PRKAR2A: variants seen among roughly 807,000 people sequenced by gnomAD.
The protein encoded by PRKAR2A is cAMP-dependent protein kinase type II-alpha regulatory subunit.
A neutral mutation model predicts 51.9 loss-of-function variants in PRKAR2A; 29 were observed. The ratio of observed to expected loss-of-function variants is 0.56; its 90% CI spans 0.42 to 0.76. The LOEUF is 0.76. Among genes scored for constraint, PRKAR2A ranks in the 30% least tolerant of loss-of-function variants. The pLI is 0.00. For missense variants in PRKAR2A, 445 were observed against 512.1 expected (o/e 0.87, Z 1.26); for synonymous variants, 178 against 186.2 (o/e 0.96, Z 0.36).
In PRKAR2A at chr3:48,830,203, C is replaced by CA. The variant is rs56960810; in HGVS notation, c.262+17131dup. On this transcript the variant is annotated intron_variant, in intron 1 of 10. Transcript: ENST00000265563. ...GGGCGACAAGAGCGAAGCTCCGTCTCAAAAAAAAAAAAAAACTAAGACACA... is the reference window on the plus strand; with the variant it reads ...GGGCGACAAGAGCGAAGCTCCGTCTCAAAAAAAAAAAAAAAACTAAGACACA... Among the ~76,000 whole-genome samples the CA allele has an allele frequency of 6.2e-3, 699 of 112,230 alleles. 1 individual carries two copies. The highest frequency in any genetic ancestry group is 0.014 in the Middle Eastern group (3 of 210). 73.6% of individuals were successfully genotyped at this position (112,230 alleles called of 152,430 possible). A position where few individuals can be genotyped will look rare whatever the true frequency, so the allele number is the denominator to read the frequency against.
chr3:48,834,142 G>A (rs561695253), intron 1 of PRKAR2A, among the ~76,000 whole-genome samples: 25 of 152,030 alleles, frequency 1.6e-4, no homozygotes, highest in African/African-American at 4.8e-4. Context: ...GTTTACTGCC[G>A]TCCAGCAGTA....
chr3:48,762,818 C>T (rs928273759), intron 8 of PRKAR2A, among the ~76,000 whole-genome samples: 4 of 151,890 alleles, frequency 2.6e-5, no homozygotes, highest in African/African-American at 4.8e-5. Flanking sequence ...TAAAAAGGAA[C>T]GATCTACTGA....
At chr3:48,827,336 A>C (rs2083085227) in intron 1 of PRKAR2A, among the ~76,000 whole-genome samples, 1 of 151,604 alleles carries the variant, frequency 6.6e-6, no homozygotes, top group Non-Finnish European at 1.5e-5. Flanking sequence ...ACTGAGTTTA[A>C]GATGAAAAAA....
chr3:48,769,534 T>A (rs965195029), intron 6 of PRKAR2A, among the ~76,000 whole-genome samples: 7 of 152,038 alleles, frequency 4.6e-5, no homozygotes, highest in African/African-American at 1.7e-4. Context: ...TGGAGTGCAA[T>A]GGCGCAATCT....
chr3:48,791,680 G>A (rs1446698304), intron 3 of PRKAR2A, among the ~76,000 whole-genome samples: 2 of 150,396 alleles, frequency 1.3e-5, no homozygotes, highest in African/African-American at 4.9e-5. Context: ...GCCGAGGTGG[G>A]TGGATCACGA....
At chr3:48,745,515 T>G (rs2081554119), downstream of PRKAR2A, among the ~76,000 whole-genome samples, 1 of 150,438 alleles carries the variant, frequency 6.6e-6, no homozygotes, top group African/African-American at 2.4e-5. Context: ...TGTGAGGGTG[T>G]TTTTGGATAA....
intron 6 of PRKAR2A, among the ~76,000 whole-genome samples, chr3:48,767,530 C>T (rs753172642): frequency 2.0e-5 from 3 of 151,930 alleles, no homozygotes; most frequent in Admixed American, 6.6e-5. Flanking sequence ...TGGTTCATGC[C>T]TGTAATCCCT....
In PRKAR2A at chr3:48,807,639, G is replaced by C. The variant is rs1166733383; in HGVS notation, c.298+10C>G. 1 of 1,570,680 alleles carries C rather than the reference G, an allele frequency of 6.4e-7. No individual in the cohort carries two copies. The highest frequency in any genetic ancestry group is 8.7e-7 in the Non-Finnish European group (1 of 1,144,002). On this transcript the variant is annotated intron_variant, in intron 2 of 10. Transcript: ENST00000265563. ...CATTTTAGAAGTATGTTATGAAATA[G>C]AACACATACCTGATACTCGTCTATT...
intron 6 of PRKAR2A, among the ~76,000 whole-genome samples, 165 bp from the exon 7 acceptor site, chr3:48,765,514 T>C (rs1012094089): frequency 6.6e-6 from 1 of 152,140 alleles, no homozygotes; most frequent in Non-Finnish European, 1.5e-5. Context: ...AAAGGACCTA[T>C]AGCCTGAGCC....
chr3:48,836,830 A>T (rs79304729), intron 1 of PRKAR2A, among the ~76,000 whole-genome samples: 23 of 151,212 alleles, frequency 1.5e-4, no homozygotes, highest in South Asian at 1.3e-3. Context: ...AAAAAAAAAA[A>T]TTTTGTTTAG....
At chr3:48,795,601 A>G (rs888582335) in intron 2 of PRKAR2A, among the ~76,000 whole-genome samples, 4 of 152,156 alleles carry the variant, frequency 2.6e-5, no homozygotes, top group African/African-American at 7.2e-5. Flanking sequence ...CAGTGGCGCA[A>G]TCTTGGCCCA....
chr3:48,847,450 G>T lies in PRKAR2A; in HGVS notation c.147C>A (p.Val49=). 2 of 1,576,344 alleles carry T rather than the reference G, an allele frequency of 1.3e-6. No homozygotes were observed. The highest frequency in any genetic ancestry group is 1.7e-6 in the Non-Finnish European group (2 of 1,160,988). Residue 49 remains valine (V), a synonymous_variant, in exon 1 of 11, where the codon GTC becomes GTA. Coordinates refer to ENST00000265563, the MANE Select transcript of PRKAR2A (RefSeq NM_004157.4). This position sits in a 1 kb window ranked among gnomAD's most constrained non-coding sequence, Gnocchi z 4.4. ...TCTGGCGTGGGGTGGCGGCGGGCAGGACTGAGGCTGGGGCGCGGGCCTCGC... is the reference window on the plus strand; with the variant it reads ...TCTGGCGTGGGGTGGCGGCGGGCAGTACTGAGGCTGGGGCGCGGGCCTCGC... ...RLREARAPAS[V]LPAATPRQSL...
chr3:48,825,879 A>G (rs974565146), intron 1 of PRKAR2A, among the ~76,000 whole-genome samples: 2 of 152,154 alleles, frequency 1.3e-5, no homozygotes, highest in Non-Finnish European at 2.9e-5. Context: ...ATCAGACTCT[A>G]GAAGTTAAAA....
rs200382765 is a variant in PRKAR2A at position 48,769,157 on chromosome 3, C to CTTTTTTTT, written c.696+3790_696+3797dup. 1.3e-3 allele frequency among the ~76,000 whole-genome samples: 176 copies of CTTTTTTTT among 136,302 alleles called. 6 individuals are homozygous for CTTTTTTTT. Among genetic ancestry groups the CTTTTTTTT allele is most frequent in the African/African-American group, 1.6e-3 (59 of 36,160 alleles). The allele number at this position is 136,302 out of a possible 152,430, so 89.4% of individuals were successfully genotyped here. A position where few individuals can be genotyped will look rare whatever the true frequency, so the allele number is the denominator to read the frequency against. ...TAAAGAGAAAACAACAAATATCTTT[C>CTTTTTTTT]TTTTTTTTTTTCTTTTTTGAGACAG... On this transcript the variant is annotated intron_variant, in intron 6 of 10. Coordinates refer to ENST00000265563, the MANE Select transcript of PRKAR2A (RefSeq NM_004157.4).
intron 4 of PRKAR2A, among the ~76,000 whole-genome samples, chr3:48,785,258 ATTTTTTTT>A (rs1198962303): frequency 2.4e-5 from 3 of 123,894 alleles, no homozygotes; most frequent in Non-Finnish European, 5.1e-5. Context: ...GGCCTGGATA[ATTTTTTTT>A]TTTTTTTTTT....
chr3:48,768,330 T>TAGATAGACAGAC (rs1553666205), intron 6 of PRKAR2A, among the ~76,000 whole-genome samples: 13 of 150,622 alleles, frequency 8.6e-5, no homozygotes, highest in African/African-American at 2.9e-4. Flanking sequence ...GATAGATAGA[T>TAGATAGACAGAC]AGATAGATAG....
intron 1 of PRKAR2A, among the ~76,000 whole-genome samples, chr3:48,828,896 C>T (rs1212621267): frequency 1.3e-5 from 2 of 151,680 alleles, no homozygotes; most frequent in Non-Finnish European, 2.9e-5. Context: ...TGCAGTAGCG[C>T]GATCTCAGCT....
intron 2 of PRKAR2A, among the ~76,000 whole-genome samples, chr3:48,795,913 G>C (rs2082484266): frequency 6.6e-6 from 1 of 152,186 alleles, no homozygotes; most frequent in Non-Finnish European, 1.5e-5. Context: ...CTGGTGAGAA[G>C]GGGGATACAA....
intron 2 of PRKAR2A, among the ~76,000 whole-genome samples, chr3:48,800,941 G>C (rs2082579807): frequency 6.6e-6 from 1 of 152,064 alleles, no homozygotes; most frequent in African/African-American, 2.4e-5. Context: ...TCAAAGTGCT[G>C]GGATTACAGG....
Sources: gnomAD v4.1 joint callset for allele counts (sites outside exome capture counted in the v4.1 genomes callset) on GRCh38, gnomAD v4.1.1 for gene constraint, Gnocchi (gnomAD v3.1) non-coding constraint, MANE v1.5 for transcripts, NCBI Gene and HGNC (gene_info 2026-07-23, HGNC 2026-07-21) for gene names.